The following HTR1F variants were observed in gnomAD, a reference collection of about 807,000 sequenced individuals.
HTR1F encodes the protein 5-hydroxytryptamine (serotonin) receptor 1F, G protein-coupled.
A neutral mutation model predicts 24.0 loss-of-function variants in HTR1F; 17 were observed. That is an observed-to-expected ratio of 0.71 (90% confidence interval 0.48 to 1.06). The LOEUF (loss-of-function observed/expected upper bound fraction) is 1.06, where lower values mean the gene tolerates loss of function less well. Among genes scored for constraint, HTR1F ranks in the 50% least tolerant of loss-of-function variants. The pLI is 0.00. For missense variants in HTR1F, 391 were observed against 427.8 expected (o/e 0.91, Z 0.76); for synonymous variants, 186 against 156.8 (o/e 1.19, Z -1.39).
intron 2 of HTR1F, among the ~76,000 whole-genome samples, chr3:87,968,697 T>C (rs552921439): frequency 6.6e-6 from 1 of 152,216 alleles, no homozygotes; most frequent in Non-Finnish European, 1.5e-5. Context: ...CCCATTTTCT[T>C]AGGAGAAATT....
At chr3:87,919,173 G>T (rs1703957546) in intron 2 of HTR1F, among the ~76,000 whole-genome samples, 1 of 152,142 alleles carries the variant, frequency 6.6e-6, no homozygotes, top group African/African-American at 2.4e-5. Flanking sequence ...CTAGCCACAT[G>T]TAGGAGAATG....
intron 2 of HTR1F, among the ~76,000 whole-genome samples, chr3:87,825,207 T>A (rs1015464253): frequency 6.6e-6 from 1 of 152,194 alleles, no homozygotes; most frequent in African/African-American, 2.4e-5. Context: ...ACAAGAGTAG[T>A]GTCTGTTTCA....
At chr3:87,918,140 C>A (rs1387777167) in intron 2 of HTR1F, among the ~76,000 whole-genome samples, 4 of 151,890 alleles carry the variant, frequency 2.6e-5, no homozygotes, top group Admixed American at 2.6e-4. Flanking sequence ...TCCATAAATG[C>A]AGAAAAAAGC....
At chr3:87,924,190 A>G (rs1248994865) in intron 2 of HTR1F, among the ~76,000 whole-genome samples, 1 of 151,898 alleles carries the variant, frequency 6.6e-6, no homozygotes, top group Admixed American at 6.6e-5. Context: ...TGGTCTCTTC[A>G]GGTTTTCTGT....
chr3:87,914,257 G>A (rs1177517635), intron 2 of HTR1F, among the ~76,000 whole-genome samples: 4 of 152,094 alleles, frequency 2.6e-5, no homozygotes, highest in Non-Finnish European at 4.4e-5. Context: ...CCTTCAGGAG[G>A]GAGGCCAGAG....
At chr3:87,886,482 T>C (rs1387830870) in intron 2 of HTR1F, among the ~76,000 whole-genome samples, 1 of 152,158 alleles carries the variant, frequency 6.6e-6, no homozygotes, top group Non-Finnish European at 1.5e-5. Context: ...TGTTGGAAGT[T>C]CTGGCCAGGG....
intron 2 of HTR1F, among the ~76,000 whole-genome samples, chr3:87,967,570 G>T (rs376581171): frequency 1.9e-5 from 2 of 107,630 alleles, no homozygotes; most frequent in Non-Finnish European, 4.0e-5. Flanking sequence ...AGATCCGGTG[G>T]GAGGTAATTG....
chr3:87,973,866 A>G (rs1357409085), intron 2 of HTR1F, among the ~76,000 whole-genome samples: 1 of 152,208 alleles, frequency 6.6e-6, no homozygotes, highest in Non-Finnish European at 1.5e-5. Context: ...ATAATGCAGA[A>G]AGAACGTATT....
intron 2 of HTR1F, among the ~76,000 whole-genome samples, chr3:87,959,483 C>A (rs1488565740): frequency 6.6e-6 from 1 of 151,730 alleles, no homozygotes; most frequent in Non-Finnish European, 1.5e-5. Context: ...TCTAATAGAG[C>A]CTCTTTTACT....
chr3:87,944,659 C>T (rs1171988560), intron 2 of HTR1F, among the ~76,000 whole-genome samples: 1 of 152,228 alleles, frequency 6.6e-6, no homozygotes, highest in Non-Finnish European at 1.5e-5. Context: ...TAGCCCCATA[C>T]TTTAAGATTT....
rs565775017 is a variant in HTR1F, at chr3:87,968,666, C to A, written c.-42-22042C>A. On this transcript the variant is annotated intron_variant, in intron 2 of 2. Transcript: ENST00000319595. The stretch of plus-strand genomic sequence containing the variant: ...AAAGTTTGGAAAATTTGCAGCCTGA[C>A]AAAGCGGTAGGAAAGAAAAACCCAT... 5.3e-5 allele frequency among the ~76,000 whole-genome samples: 8 copies of A among 152,224 alleles called. No homozygotes were observed. The East Asian group carries it at 1.5e-3, about 29-fold the overall frequency.
chr3:87,856,167 C>T (rs147471398), intron 2 of HTR1F, among the ~76,000 whole-genome samples: 64 of 152,002 alleles, frequency 4.2e-4, no homozygotes, highest in Non-Finnish European at 8.2e-4. Context: ...TACTATTAAT[C>T]TCTTACTGGT....
intron 2 of HTR1F, among the ~76,000 whole-genome samples, chr3:87,959,767 GTT>G (rs5850818): frequency 0.085 from 11,928 of 140,704 alleles, 522 homozygotes; most frequent in African/African-American, 0.11. Context: ...ACCACCATGG[GTT>G]TTTTTTTTTT....
intron 2 of HTR1F, among the ~76,000 whole-genome samples, chr3:87,974,816 A>G (rs1705360399): frequency 6.6e-6 from 1 of 152,172 alleles, no homozygotes; most frequent in Non-Finnish European, 1.5e-5. Flanking sequence ...ATAGAAACCA[A>G]TACACACTGT....
chr3:87,952,771 G>C (rs1704862366), intron 2 of HTR1F, among the ~76,000 whole-genome samples: 1 of 151,766 alleles, frequency 6.6e-6, no homozygotes, highest in Non-Finnish European at 1.5e-5. Flanking sequence ...ATGGTGAAAA[G>C]CAATGGTCAC....
intron 1 of HTR1F, among the ~76,000 whole-genome samples, chr3:87,798,061 A>G (rs1389230486): frequency 6.6e-6 from 1 of 152,182 alleles, no homozygotes; most frequent in Admixed American, 6.5e-5. Context: ...GGACAGTTGC[A>G]TGTACAATTG....
chr3:87,881,051 C>G (rs1179862584), intron 2 of HTR1F, among the ~76,000 whole-genome samples: 1 of 152,166 alleles, frequency 6.6e-6, no homozygotes, highest in Admixed American at 6.5e-5. Flanking sequence ...AACTTAGGTA[C>G]TGGGTTCATC....
chr3:87,949,322 T>A (rs1704783365), intron 2 of HTR1F, among the ~76,000 whole-genome samples: 1 of 152,236 alleles, frequency 6.6e-6, no homozygotes, highest in African/African-American at 2.4e-5. Context: ...TCAGTCAGTT[T>A]CTAATAGCAG....
intron 2 of HTR1F, among the ~76,000 whole-genome samples, chr3:87,839,409 T>A (rs1460798363): frequency 6.6e-6 from 1 of 152,058 alleles, no homozygotes; most frequent in African/African-American, 2.4e-5. Flanking sequence ...TGTCCCATTG[T>A]TCTGTGTGTC....
Sources: allele counts gnomAD v4.1 joint callset (sites outside exome capture counted in the v4.1 genomes callset), GRCh38; gene constraint gnomAD v4.1.1; transcripts MANE v1.5; gene names NCBI Gene and HGNC (gene_info 2026-07-23, HGNC 2026-07-21).